TBCK: variants seen among roughly 807,000 people sequenced by gnomAD.
TBCK encodes the protein TBC domain-containing protein kinase-like protein.
A neutral mutation model predicts 113.4 loss-of-function variants in TBCK; 99 were observed. The observed-to-expected ratio is 0.87, with a 90% confidence interval of 0.74 to 1.03. The LOEUF (loss-of-function observed/expected upper bound fraction) is 1.03, where lower values mean the gene tolerates loss of function less well. TBCK is among the 50% of genes least tolerant of loss of function. The pLI is 0.00. For synonymous variants in TBCK, 369 were observed against 370.8 expected, an observed-to-expected ratio of 1.00 and a Z score of 0.05; for missense variants, 1,045 against 1,061.3, an observed-to-expected ratio of 0.98 and a Z score of 0.21.
At position 106,231,739 on chromosome 4, in the gene TBCK, G is replaced by A. The variant is rs748096127; in HGVS notation, c.1680C>T (p.Phe560=). The A allele has an allele frequency of 6.2e-7, 1 of 1,608,858 alleles. No individual in the cohort carries two copies. The highest frequency in any genetic ancestry group is 8.5e-7 in the Non-Finnish European group (1 of 1,177,460). Residue 560 remains phenylalanine (F), a synonymous_variant, in exon 18 of 26, where the codon TTC becomes TTT. Coordinates refer to ENST00000394708, the MANE Select transcript of TBCK (RefSeq NM_001163435.3). ...SLCAPFLYLN[F]NNEALAYACM... Reference sequence around the variant, plus strand: ...GTTAAAGAGGCTTACCTTCATTATTGAAGTTTAGATATAGGAATGGAGCAC... The same window carrying A: ...GTTAAAGAGGCTTACCTTCATTATTAAAGTTTAGATATAGGAATGGAGCAC...
At chr4:106,316,523 A>C, upstream of TBCK, 2 of 1,551,452 alleles carry the variant, frequency 1.3e-6, no homozygotes, top group South Asian at 2.4e-5. Flanking sequence ...TCTCACTGCT[A>C]TAGTACGCGG....
chr4:106,313,949 A>G (rs950408306), intron 1 of TBCK, among the ~76,000 whole-genome samples: 4 of 152,244 alleles, frequency 2.6e-5, no homozygotes, highest in African/African-American at 9.6e-5. Context: ...TTTGACCTTG[A>G]TATCATAAAT....
chr4:106,221,826 TGA>T (rs1267148531), intron 19 of TBCK, among the ~76,000 whole-genome samples: 1 of 151,876 alleles, frequency 6.6e-6, no homozygotes. Context: ...GGGAGGAAGG[TGA>T]GAGGAGAGAG....
intron 22 of TBCK, among the ~76,000 whole-genome samples, chr4:106,177,024 A>C (rs937598899): frequency 1.3e-5 from 2 of 151,348 alleles, no homozygotes; most frequent in Non-Finnish European, 3.0e-5. Flanking sequence ...ATGACTACAG[A>C]CATGATCATA....
At chr4:106,127,100 C>A (rs189148144) in intron 23 of TBCK, among the ~76,000 whole-genome samples, 1 of 149,256 alleles carries the variant, frequency 6.7e-6, no homozygotes, top group Admixed American at 6.8e-5. Flanking sequence ...CCCAGCTACT[C>A]GGGAGGCTGA....
intron 11 of TBCK, among the ~76,000 whole-genome samples, chr4:106,242,840 TC>T (rs1760320154): frequency 6.6e-6 from 1 of 150,424 alleles, no homozygotes; most frequent in African/African-American, 2.4e-5. Context: ...ATTAGGTATA[TC>T]TCCTAAAGCT....
intron 22 of TBCK, among the ~76,000 whole-genome samples, chr4:106,176,303 C>G (rs950938135): frequency 4.6e-5 from 7 of 152,008 alleles, no homozygotes; most frequent in Non-Finnish European, 8.8e-5. Context: ...TATCCATTAA[C>G]CAACCTCTCT....
Position 106,089,925 on chromosome 4 carries a change from C to T in TBCK, c.2571+5557G>A, listed in dbSNP as rs76080376. On this transcript the variant is annotated intron_variant, in intron 25 of 25. Transcript: ENST00000394708. The stretch of plus-strand genomic sequence containing the variant: ...GAGTACCTATGGCTTTTCCATACTG[C>T]GGTTGCAAGCTTCCAATGGCTCTAC... 2.8e-3 allele frequency among the ~76,000 whole-genome samples: 422 copies of T among 152,292 alleles called. 5 individuals are homozygous for T. The highest frequency in any genetic ancestry group is 9.3e-3 in the African/African-American group (388 of 41,548).
chr4:106,150,284 A>T (rs547508932), intron 23 of TBCK, among the ~76,000 whole-genome samples: 2 of 152,280 alleles, frequency 1.3e-5, no homozygotes, highest in Admixed American at 1.3e-4. Flanking sequence ...CACAAAAATA[A>T]CACTATGATC....
chr4:106,128,454 C>T (rs1219869000), intron 23 of TBCK, among the ~76,000 whole-genome samples: 2 of 152,144 alleles, frequency 1.3e-5, no homozygotes, highest in Admixed American at 1.3e-4. Flanking sequence ...CAAAGAATTT[C>T]ATTAGGGTTT....
chr4:106,256,199 C>G (rs1405114340), intron 5 of TBCK, among the ~76,000 whole-genome samples: 1 of 152,168 alleles, frequency 6.6e-6, no homozygotes, highest in Non-Finnish European at 1.5e-5. Context: ...CAGCCCATCT[C>G]CCATGCTTCA....
chr4:106,184,687 T>C (rs1752810778), intron 22 of TBCK, among the ~76,000 whole-genome samples: 1 of 152,020 alleles, frequency 6.6e-6, no homozygotes, highest in Non-Finnish European at 1.5e-5. Context: ...AGTTAATGTC[T>C]AAGGAGAAAA....
chr4:106,063,286 GA>G (rs1289888962), intron 25 of TBCK, among the ~76,000 whole-genome samples: 1 of 151,940 alleles, frequency 6.6e-6, no homozygotes, highest in East Asian at 1.9e-4. Flanking sequence ...TTGCATACTT[GA>G]AGCTGATAAA....
intron 3 of TBCK, among the ~76,000 whole-genome samples, chr4:106,283,953 G>C (rs1166760735): frequency 6.6e-6 from 1 of 152,168 alleles, no homozygotes; most frequent in East Asian, 1.9e-4. Flanking sequence ...ATAAGACAGA[G>C]ATATGTGAGA....
At chr4:106,312,353 C>T (rs1579604165) in intron 1 of TBCK, among the ~76,000 whole-genome samples, 2 of 152,018 alleles carry the variant, frequency 1.3e-5, no homozygotes, top group Non-Finnish European at 2.9e-5. Context: ...ATAATAAGCA[C>T]ATGAAAAAGT....
intron 3 of TBCK, among the ~76,000 whole-genome samples, chr4:106,272,485 T>A (rs573378116): frequency 6.8e-6 from 1 of 147,500 alleles, no homozygotes; most frequent in African/African-American, 2.5e-5. Context: ...CATTGTTTAT[T>A]TAATTTTTTT....
chr4:106,250,005 T>G (rs1343242916), intron 7 of TBCK, among the ~76,000 whole-genome samples: 1 of 152,100 alleles, frequency 6.6e-6, no homozygotes, highest in Non-Finnish European at 1.5e-5. Flanking sequence ...CATATGAGCC[T>G]TTTATAAGGA....
chr4:106,072,502 A>G (rs927035169), intron 25 of TBCK, among the ~76,000 whole-genome samples: 1 of 152,102 alleles, frequency 6.6e-6, no homozygotes, highest in Admixed American at 6.6e-5. Context: ...TGGGTAACCC[A>G]ATCTTTCTCT....
At chr4:106,096,977 T>G (rs1034638208) in intron 24 of TBCK, among the ~76,000 whole-genome samples, 5 of 152,192 alleles carry the variant, frequency 3.3e-5, no homozygotes, top group Non-Finnish European at 7.4e-5. Context: ...TATATCTAAA[T>G]AACCATACCT....
Sources: gnomAD v4.1 joint callset for allele counts (sites outside exome capture counted in the v4.1 genomes callset) on GRCh38, gnomAD v4.1.1 for gene constraint, MANE v1.5 for transcripts, NCBI Gene and HGNC (gene_info 2026-07-23, HGNC 2026-07-21) for gene names.